The following SCAP variants were observed in gnomAD, a reference collection of about 807,000 sequenced individuals.
SCAP encodes the protein SREBF chaperone.
A neutral mutation model predicts 123.6 loss-of-function variants in SCAP; 65 were observed. That is an observed-to-expected ratio of 0.53 (90% CI 0.43 to 0.65). The LOEUF is 0.65. Among genes scored for constraint, SCAP ranks in the 30% least tolerant of loss-of-function variants. The pLI is 0.00. For missense variants in SCAP, 1,398 were observed against 1,712.5 expected, an observed-to-expected ratio of 0.82 and a Z score of 3.24; for synonymous variants, 740 against 726.3, an observed-to-expected ratio of 1.02 and a Z score of -0.30.
intron 1 of SCAP, among the ~76,000 whole-genome samples, chr3:47,462,408 C>A (rs1707675929): frequency 6.6e-6 from 1 of 152,164 alleles, no homozygotes; most frequent in African/African-American, 2.4e-5. Context: ...AGCCTCCATT[C>A]TTTCAATCTA....
chr3:47,424,051 G>A lies in SCAP; in HGVS notation c.1038-6C>T, dbSNP rs1706021241. The stretch of plus-strand genomic sequence containing the variant: ...CAAGGTAGGGGAAAATCTCGCTGGG[G>A]ACAGAGAAGGAGAAGGTGAGGACAG... On this transcript the variant is annotated splice_polypyrimidine_tract_variant and splice_region_variant and intron_variant, in intron 8 of 22. Coordinates refer to ENST00000265565, the MANE Select transcript of SCAP (RefSeq NM_012235.4). 6.2e-7 allele frequency: 1 copy of A among 1,601,514 alleles called. No homozygotes were observed. Among genetic ancestry groups the A allele is most frequent in the Non-Finnish European group, 8.6e-7 (1 of 1,168,506 alleles).
chr3:47,459,013 C>A (rs932607615), intron 1 of SCAP, among the ~76,000 whole-genome samples: 1 of 152,196 alleles, frequency 6.6e-6, no homozygotes, highest in Non-Finnish European at 1.5e-5. Flanking sequence ...CCATGTTGGT[C>A]AGGCTGGTTT....
Position 47,414,761 on chromosome 3 carries a change from C to T in SCAP, c.3306+66G>A, listed in dbSNP as rs150141381. 1.2e-4 allele frequency: 186 copies of T among 1,600,824 alleles called. 1 individual carries two copies. The highest frequency in any genetic ancestry group is 5.0e-4 in the Middle Eastern group (3 of 5,988). On this transcript the variant is annotated intron_variant, in intron 20 of 22. Coordinates refer to ENST00000265565, the MANE Select transcript of SCAP (RefSeq NM_012235.4). ...CAGGACTCTTCCAGCCTCTCCCTGA[C>T]GAATGCATCAGGCTCCCACCCCGTG...
intron 18 of SCAP, 138 bp from the exon 19 acceptor site, chr3:47,415,318 G>A (rs981769231): frequency 2.8e-6 from 2 of 702,936 alleles, no homozygotes; most frequent in Non-Finnish European, 4.5e-6. Context: ...CATGGTGCCA[G>A]AACAGATGCT....
At chr3:47,455,270 A>T (rs1035657625) in intron 1 of SCAP, among the ~76,000 whole-genome samples, 1 of 151,674 alleles carries the variant, frequency 6.6e-6, no homozygotes, top group Non-Finnish European at 1.5e-5. Flanking sequence ...CAAAAACTTG[A>T]AAATAAACTT....
At chr3:47,469,831 G>A (rs534395053) in intron 1 of SCAP, 81 of 586,226 alleles carry the variant, frequency 1.4e-4, no homozygotes, top group Non-Finnish European at 2.5e-4. Context: ...TGGGCAGTTG[G>A]CAAGACTCCA....
In SCAP at chr3:47,439,038, T is replaced by C. The variant is rs529121290; in HGVS notation, c.122+3834A>G. Among the ~76,000 whole-genome samples the C allele has an allele frequency of 1.4e-4, 21 of 152,268 alleles. No individual in the cohort carries two copies. Among genetic ancestry groups the C allele is most frequent in the Non-Finnish European group, 2.1e-4 (14 of 68,026 alleles). ...CAGGCACTATTCTAAGCACTTGATA[T>C]GTACAGATACATCTTGACTTACGAT... On this transcript the variant is annotated intron_variant, in intron 2 of 22. Transcript: ENST00000265565. The surrounding 1 kb of genome is among the most constrained non-coding windows in gnomAD (Gnocchi z 4.0).
chr3:47,429,716 A>G (rs1398349613), intron 3 of SCAP, among the ~76,000 whole-genome samples: 1 of 152,180 alleles, frequency 6.6e-6, no homozygotes, highest in Non-Finnish European at 1.5e-5. Flanking sequence ...TTACTGAAGC[A>G]CAGCCACACC....
chr3:47,427,196 G>A lies in SCAP; in HGVS notation c.698C>T (p.Ser233Phe). Residue 233 changes from serine to phenylalanine, a missense_variant, in exon 6 of 23, where the codon TCC (serine) becomes TTC (phenylalanine). Physicochemically the swap from Ser to Phe is radical, Grantham distance 155. Coordinates refer to ENST00000265565, the MANE Select transcript of SCAP (RefSeq NM_012235.4). ...CTGGAAGACCAGGGTGATGGTGTAG[G>A]AGACCATCCTCTTCCTGGTGTAGAG... Reference protein sequence around the residue: ...VSLYTRKRMVSYTITLVFQHY... With the variant: ...VSLYTRKRMVFYTITLVFQHY... 6.2e-7 allele frequency: 1 copy of A among 1,613,770 alleles called. No homozygotes were observed. The highest frequency in any genetic ancestry group is 1.3e-5 in the African/African-American group (1 of 74,986).
chr3:47,416,787 C>G (rs551442662), intron 18 of SCAP, among the ~76,000 whole-genome samples: 1 of 151,430 alleles, frequency 6.6e-6, no homozygotes, highest in South Asian at 2.1e-4. Context: ...CCACTACGCC[C>G]GGCTAATTTT....
At chr3:47,434,769 G>A (rs1176525346) in intron 3 of SCAP, 8 of 379,556 alleles carry the variant, frequency 2.1e-5, no homozygotes, top group African/African-American at 8.4e-5. Flanking sequence ...CCCGGGAGGC[G>A]GAGGTTGCAG....
chr3:47,420,784 A>C lies in SCAP; in HGVS notation c.1345-12T>G, dbSNP rs1405042830. The C allele has an allele frequency of 6.2e-7, 1 of 1,609,834 alleles. No homozygotes were observed. Reference sequence around the variant, plus strand: ...TTCAGGTCTGCTAGCTGTTGGGGGCACAGTGGTCAGGGCCTGAGTCCACCA... The same window carrying C: ...TTCAGGTCTGCTAGCTGTTGGGGGCCCAGTGGTCAGGGCCTGAGTCCACCA... On this transcript the variant is annotated splice_polypyrimidine_tract_variant and intron_variant, in intron 11 of 22. Coordinates refer to ENST00000265565, the MANE Select transcript of SCAP (RefSeq NM_012235.4). The surrounding 1 kb of genome is among the most constrained non-coding windows in gnomAD (Gnocchi z 5.0).
intron 2 of SCAP, among the ~76,000 whole-genome samples, chr3:47,442,003 C>T (rs1706827435): frequency 6.6e-6 from 1 of 150,458 alleles, no homozygotes; most frequent in African/African-American, 2.4e-5. Context: ...CTGCACCTGG[C>T]CAAAGTTCAT....
chr3:47,468,951 A>G (rs111814409), intron 1 of SCAP, among the ~76,000 whole-genome samples: 24 of 152,358 alleles, frequency 1.6e-4, no homozygotes, highest in African/African-American at 5.8e-4. Flanking sequence ...TCCTGGATCG[A>G]TAGTTTCTAT....
In SCAP at chr3:47,419,826, G is replaced by A. The variant is rs942034072; in HGVS notation, c.1564-122C>T. The A allele has an allele frequency of 1.7e-6, 2 of 1,149,750 alleles. No homozygotes were observed. Among genetic ancestry groups the A allele is most frequent in the Admixed American group, 3.0e-5 (1 of 33,844 alleles). 71.2% of individuals were successfully genotyped at this position (1,149,750 alleles called of 1,614,324 possible). Reference sequence around the variant, plus strand: ...GCCTGGGGATGGAGAGAGGACACAGGCCCCACTGCGTCCTTTTCTCCTGCC... The same window carrying A: ...GCCTGGGGATGGAGAGAGGACACAGACCCCACTGCGTCCTTTTCTCCTGCC... On this transcript the variant is annotated intron_variant, in intron 12 of 22. Coordinates refer to ENST00000265565, the MANE Select transcript of SCAP (RefSeq NM_012235.4). This position sits in a 1 kb window ranked among gnomAD's most constrained non-coding sequence, Gnocchi z 5.0.
chr3:47,452,677 C>A (rs539662238), intron 1 of SCAP, among the ~76,000 whole-genome samples: 1 of 152,244 alleles, frequency 6.6e-6, no homozygotes. Flanking sequence ...TTTAACACAC[C>A]CTCCAGCTGA....
intron 1 of SCAP, among the ~76,000 whole-genome samples, chr3:47,456,627 T>C (rs988212228): frequency 5.3e-5 from 8 of 150,780 alleles, no homozygotes; most frequent in African/African-American, 1.7e-4. Context: ...TTAGCCAGTG[T>C]GGTGGTACAC....
chr3:47,414,262 G>A lies in SCAP; in HGVS notation c.3512C>T (p.Ser1171Phe). 6.2e-7 allele frequency: 1 copy of A among 1,613,612 alleles called. No homozygotes were observed. The highest frequency in any genetic ancestry group is 8.5e-7 in the Non-Finnish European group (1 of 1,180,030). The stretch of plus-strand genomic sequence containing the variant: ...ATCCAGGCCACTGCTGATGACACAG[G>A]AGGTGGTACAGGTAAGGGAGGTGAC... ...GDVTSLTCTT[S>F]CVISSGLDDL... The change falls in exon 22 of 23, where the codon TCC becomes TTC. Residue 1171 changes from serine to phenylalanine, a missense_variant. Ser to Phe is a radical substitution (Grantham distance 155). Transcript: ENST00000265565.
intron 13 of SCAP, 34 bp from the exon 14 acceptor site, chr3:47,418,877 G>C (rs1230254907): frequency 3.4e-6 from 5 of 1,479,554 alleles, no homozygotes; most frequent in Non-Finnish European, 8.9e-7. Flanking sequence ...TCAGCGGGGG[G>C]CCTCCCAGGG....
Sources: allele counts gnomAD v4.1 joint callset (sites outside exome capture counted in the v4.1 genomes callset), GRCh38; gene constraint gnomAD v4.1.1; non-coding constraint Gnocchi (gnomAD v3.1); transcripts MANE v1.5; gene names NCBI Gene and HGNC (gene_info 2026-07-23, HGNC 2026-07-21).